Variants in CNTN2 observed in about 807,000 individuals in gnomAD.
CNTN2 encodes the protein contactin-2.
CNTN2 carries 53 observed loss-of-function variants against 117.5 expected under a neutral mutation model. The observed-to-expected ratio is 0.45, with a 90% CI of 0.36 to 0.57. The LOEUF (loss-of-function observed/expected upper bound fraction) is 0.57, where lower values mean the gene tolerates loss of function less well. Among genes scored for constraint, CNTN2 ranks in the 20% least tolerant of loss-of-function variants. CNTN2 has a pLI of 0.00. For synonymous variants in CNTN2, 530 were observed against 561.7 expected (o/e 0.94, Z 0.80); for missense variants, 1,106 against 1,404.3 (o/e 0.79, Z 3.39).
At chr1:205,056,918 A>G (rs1206150103) in intron 2 of CNTN2, among the ~76,000 whole-genome samples, 1 of 152,198 alleles carries the variant, frequency 6.6e-6, no homozygotes, top group Non-Finnish European at 1.5e-5. Flanking sequence ...CTCAGGAGGA[A>G]TTGATCTGTC....
chr1:205,064,810 A>C, intron 12 of CNTN2, 60 bp downstream of exon 12: 1 of 1,595,652 alleles, frequency 6.3e-7, no homozygotes, highest in East Asian at 2.2e-5. Flanking sequence ...TGTCCTCCCC[A>C]TCATCCTGCT....
At chr1:205,047,748 C>T (rs1471511176) in intron 1 of CNTN2, among the ~76,000 whole-genome samples, 1 of 152,138 alleles carries the variant, frequency 6.6e-6, no homozygotes, top group Non-Finnish European at 1.5e-5. Context: ...GTAAGCCAGA[C>T]AGGCACAGTG....
rs1468788664 is a variant in CNTN2 at position 205,058,387 on chromosome 1, G to C, written c.391+31G>C. ...ACCCGCGGGGGACCAAGACACTTTG[G>C]GGGAGGGGGAGAGGGGGCTAGGAGA... On this transcript the variant is annotated intron_variant, in intron 4 of 22. Transcript: ENST00000331830. The surrounding 1 kb of genome is among the most constrained non-coding windows in gnomAD (Gnocchi z 4.3). The C allele has an allele frequency of 6.5e-7, 1 of 1,534,706 alleles. No homozygotes were observed. Among genetic ancestry groups the C allele is most frequent in the African/African-American group, 1.4e-5 (1 of 72,758 alleles).
rs377231153 is a variant in CNTN2 at position 205,059,609 on chromosome 1, A to C, written c.724A>C (p.Lys242Gln). 1 of 1,614,108 alleles carries C rather than the reference A, an allele frequency of 6.2e-7. No individual in the cohort carries two copies. The highest frequency in any genetic ancestry group is 1.3e-5 in the African/African-American group (1 of 75,006). Residue 242 changes from lysine to glutamine, a missense_variant, in exon 7 of 23, where the codon AAG becomes CAG. Coordinates refer to ENST00000331830, the MANE Select transcript of CNTN2 (RefSeq NM_005076.5). This position sits in a 1 kb window ranked among gnomAD's most constrained non-coding sequence, Gnocchi z 5.6. ...TACCCGGCTCTTTGCACCCAGCATC[A>C]AGGCCCGGTTCCCAGCAGAGACCTA... is the stretch of plus-strand genomic sequence containing the variant. ...EDTRLFAPSI[K>Q]ARFPAETYAL... is the part of the protein sequence containing the mutation.
In CNTN2 at chr1:205,071,973, A is replaced by T; in HGVS notation, c.2571A>T (p.Lys857Asn). 6.2e-7 allele frequency: 1 copy of T among 1,612,734 alleles called. No homozygotes were observed. The highest frequency in any genetic ancestry group is 8.5e-7 in the Non-Finnish European group (1 of 1,179,604). ...YEIRYWKAGD[K>N]EAAADRVRTA... ...TCCGCTACTGGAAAGCTGGGGACAA[A>T]GAAGCAGCTGCGGACCGAGTGAGGA... Residue 857 changes from lysine to asparagine, a missense_variant, in exon 20 of 23, where the codon AAA (lysine) becomes AAT (asparagine). Transcript: ENST00000331830.
At chr1:205,067,920 T>A in intron 16 of CNTN2, 1 of 88,738 alleles carries the variant, frequency 1.1e-5, no homozygotes, top group Non-Finnish European at 1.9e-5. Flanking sequence ...AGAGCGAGAC[T>A]CCATCTCAAA....
chr1:205,056,132 G>C (rs529698647), intron 2 of CNTN2, among the ~76,000 whole-genome samples: 39 of 152,204 alleles, frequency 2.6e-4, no homozygotes, highest in Non-Finnish European at 5.4e-4. Context: ...GGACAGCTGA[G>C]AGCAGAGGAG....
rs143379833 is a variant in CNTN2, at chr1:205,059,133, G to C, written c.537G>C (p.Thr179=). The C allele has an allele frequency of 1.3e-4, 216 of 1,614,060 alleles. No individual in the cohort carries two copies. Among genetic ancestry groups the C allele is most frequent in the Non-Finnish European group, 1.7e-4 (202 of 1,180,050 alleles). Reference sequence around the variant, plus strand: ...ACGAGTTCCCCAACTTCATCCCGACGGACGGGCGTCACTTCGTGTCCCAGA... The same window carrying C: ...ACGAGTTCCCCAACTTCATCCCGACCGACGGGCGTCACTTCGTGTCCCAGA... ...LLNEFPNFIP[T]DGRHFVSQTT... The change falls in exon 6 of 23, where the codon ACG becomes ACC. Residue 179 remains threonine (T), a synonymous_variant. Coordinates refer to ENST00000331830, the MANE Select transcript of CNTN2 (RefSeq NM_005076.5). This position sits in a 1 kb window ranked among gnomAD's most constrained non-coding sequence, Gnocchi z 5.6.
At chr1:205,044,942 G>T (rs2096438872) in intron 1 of CNTN2, among the ~76,000 whole-genome samples, 1 of 152,170 alleles carries the variant, frequency 6.6e-6, no homozygotes, top group African/African-American at 2.4e-5. Flanking sequence ...GCAGAACCAT[G>T]GACAGGGCTT....
intron 21 of CNTN2, 70 bp downstream of exon 21, chr1:205,072,665 A>C (rs1423757423): frequency 8.4e-7 from 1 of 1,187,506 alleles, no homozygotes; most frequent in Admixed American, 1.8e-5. Context: ...GAACATAAGC[A>C]GCAGCAATTT....
In CNTN2 at chr1:205,073,610, C is replaced by G; in HGVS notation, c.3014-46C>G. On this transcript the variant is annotated intron_variant, in intron 22 of 22. Transcript: ENST00000331830. This position sits in a 1 kb window ranked among gnomAD's most constrained non-coding sequence, Gnocchi z 6.3. The stretch of plus-strand genomic sequence containing the variant: ...TCTCAATCTTGCCACAAGGGTGGGG[C>G]TAGGGTAGTCCCAGGCCCAGCTGAC... 6.4e-7 allele frequency: 1 copy of G among 1,557,692 alleles called. No homozygotes were observed. The highest frequency in any genetic ancestry group is 8.8e-7 in the Non-Finnish European group (1 of 1,136,604).
rs1430624667 is a variant in CNTN2, at chr1:205,061,942, G to T, written c.1051G>T (p.Ala351Ser). ...GSNLRWGCAA[A>S]GKPRPTVRWL... ...CAACCTGCGTTGGGGCTGTGCAGCC[G>T]CCGGCAAGCCCCGGCCTACAGTGCG... is the stretch of plus-strand genomic sequence containing the variant. Residue 351 changes from alanine to serine, a missense_variant, in exon 9 of 23, where the codon GCC (alanine) becomes TCC (serine). Physicochemically the swap from Ala to Ser is moderately conservative, Grantham distance 99 (BLOSUM62 1). Transcript: ENST00000331830. The surrounding 1 kb of genome is among the most constrained non-coding windows in gnomAD (Gnocchi z 4.8). The T allele has an allele frequency of 1.2e-6, 2 of 1,609,704 alleles. No individual in the cohort carries two copies. Among genetic ancestry groups the T allele is most frequent in the Admixed American group, 3.4e-5 (2 of 59,352 alleles).
Position 205,058,411 on chromosome 1 carries a change from G to T in CNTN2, c.391+55G>T. The T allele has an allele frequency of 6.5e-7, 1 of 1,533,100 alleles. No individual in the cohort carries two copies. Among genetic ancestry groups the T allele is most frequent in the Non-Finnish European group, 8.8e-7 (1 of 1,135,574 alleles). The allele number at this position is 1,533,100 out of a possible 1,614,324, so 95.0% of individuals were successfully genotyped here. Reference sequence around the variant, plus strand: ...GGGGGAGGGGGAGAGGGGGCTAGGAGAAATTACTGAGAAAGGATAAGGGAC... The same window carrying T: ...GGGGGAGGGGGAGAGGGGGCTAGGATAAATTACTGAGAAAGGATAAGGGAC... On this transcript the variant is annotated intron_variant, in intron 4 of 22. Coordinates refer to ENST00000331830, the MANE Select transcript of CNTN2 (RefSeq NM_005076.5). The surrounding 1 kb of genome is among the most constrained non-coding windows in gnomAD (Gnocchi z 4.3).
intron 1 of CNTN2, among the ~76,000 whole-genome samples, chr1:205,045,061 A>G (rs1284065909): frequency 2.0e-5 from 3 of 152,148 alleles, no homozygotes; most frequent in Non-Finnish European, 4.4e-5. Context: ...GATGATGTCA[A>G]AGTCACCCAA....
At chr1:205,064,952 G>A (rs568902246) in intron 12 of CNTN2, 135 bp from the exon 13 acceptor site, 4 of 1,209,508 alleles carry the variant, frequency 3.3e-6, no homozygotes, top group Admixed American at 2.1e-5. Flanking sequence ...GCAGTCCTGG[G>A]CAGTTGGGAC....
At chr1:205,045,227 TCCTTCTTTCCTCGCACTC>T (rs2096439455) in intron 1 of CNTN2, among the ~76,000 whole-genome samples, 1 of 152,114 alleles carries the variant, frequency 6.6e-6, no homozygotes, top group South Asian at 2.1e-4. Flanking sequence ...CTTCCTCTAC[TCCTTCTTTCCTCGCACTC>T]CCTTCTCTCA....
chr1:205,063,799 TAAG>T (rs1230598443), intron 10 of CNTN2, among the ~76,000 whole-genome samples: 1 of 151,728 alleles, frequency 6.6e-6, no homozygotes, highest in Non-Finnish European at 1.5e-5. Context: ...ACCTGAATGT[TAAG>T]AAGCCAGCCG....
intron 10 of CNTN2, among the ~76,000 whole-genome samples, chr1:205,064,048 G>A (rs1334693947): frequency 6.6e-6 from 1 of 150,926 alleles, no homozygotes; most frequent in Non-Finnish European, 1.5e-5. Flanking sequence ...TCCCAACTGG[G>A]TGGAGAAAAG....
intron 10 of CNTN2, chr1:205,063,448 G>T (rs1445071097): frequency 1.3e-5 from 2 of 152,080 alleles, no homozygotes; most frequent in African/African-American, 4.8e-5. Context: ...GGGCAACATG[G>T]TGAAACCCCA....
Sources: gnomAD v4.1 joint callset for allele counts (sites outside exome capture counted in the v4.1 genomes callset) on GRCh38, gnomAD v4.1.1 for gene constraint, Gnocchi (gnomAD v3.1) non-coding constraint, MANE v1.5 for transcripts, NCBI Gene and HGNC (gene_info 2026-07-23, HGNC 2026-07-21) for gene names.